SH3BGRL2: variants seen among roughly 807,000 people sequenced by gnomAD.
The protein encoded by SH3BGRL2 is SH3 domain-binding glutamic acid-rich-like protein 2.
In SH3BGRL2, 21 loss-of-function variants were observed where a neutral mutation model predicts 14.8. The observed-to-expected ratio is 1.42, with a 90% CI of 1.01 to 2.05. The LOEUF (loss-of-function observed/expected upper bound fraction) is 2.05. SH3BGRL2 is among the 30% of genes most tolerant of loss of function. SH3BGRL2 has a pLI of 0.00. For missense variants in SH3BGRL2, 147 were observed against 130.8 expected (o/e 1.12, Z -0.61); for synonymous variants, 50 against 47.8 (o/e 1.05, Z -0.19).
At chr6:79,639,692 A>T (rs1768994349) in intron 1 of SH3BGRL2, among the ~76,000 whole-genome samples, 1 of 152,168 alleles carries the variant, frequency 6.6e-6, no homozygotes, top group African/African-American at 2.4e-5. Context: ...CACCTGCTAA[A>T]TGTCAGTTTT....
At chr6:79,641,791 T>A (rs1206215525) in intron 1 of SH3BGRL2, among the ~76,000 whole-genome samples, 1 of 152,206 alleles carries the variant, frequency 6.6e-6, no homozygotes, top group East Asian at 1.9e-4. Flanking sequence ...ACTGTGTAAG[T>A]TCCTTAACAG....
the SH3BGRL2 span, among the ~76,000 whole-genome samples, chr6:79,589,207 T>TATATA: frequency 4.0e-3 from 423 of 104,906 alleles, 8 homozygotes; most frequent in Admixed American, 0.025. Context: ...TATATATATA[T>TATATA]TTTTTTTTTT....
the SH3BGRL2 span, among the ~76,000 whole-genome samples, chr6:79,546,351 G>A: frequency 6.6e-6 from 1 of 152,106 alleles, no homozygotes; most frequent in South Asian, 2.1e-4. Context: ...CCTCAGAATC[G>A]TGGCTACTGC....
chr6:79,558,345 T>G, the SH3BGRL2 span, among the ~76,000 whole-genome samples: 1 of 152,164 alleles, frequency 6.6e-6, no homozygotes, highest in Non-Finnish European at 1.5e-5. Context: ...TAGGATGTTG[T>G]ATACATTGGA....
the SH3BGRL2 span, among the ~76,000 whole-genome samples, chr6:79,547,600 A>T: frequency 1.3e-5 from 2 of 152,114 alleles, no homozygotes; most frequent in African/African-American, 4.8e-5. Context: ...GCTCCCCAAC[A>T]TTAGTCCGTT....
At chr6:79,614,056 G>C in the SH3BGRL2 span, among the ~76,000 whole-genome samples, 2 of 152,132 alleles carry the variant, frequency 1.3e-5, no homozygotes, top group Admixed American at 1.3e-4. Flanking sequence ...GCCAGTCCCT[G>C]TAGTGAGAGA....
At chr6:79,699,068 G>C (rs1452161405) in intron 3 of SH3BGRL2, among the ~76,000 whole-genome samples, 2 of 151,918 alleles carry the variant, frequency 1.3e-5, no homozygotes, top group Non-Finnish European at 1.5e-5. Context: ...TCAAGGGGGA[G>C]GGTGCGCAGG....
intron 1 of SH3BGRL2, among the ~76,000 whole-genome samples, chr6:79,640,776 T>A (rs1489892107): frequency 6.6e-6 from 1 of 152,110 alleles, no homozygotes; most frequent in African/African-American, 2.4e-5. Context: ...CAGGGGGTTC[T>A]AACTAATTTA....
the SH3BGRL2 span, among the ~76,000 whole-genome samples, chr6:79,614,043 C>T: frequency 6.6e-6 from 1 of 152,118 alleles, no homozygotes; most frequent in Non-Finnish European, 1.5e-5. Context: ...TCCCAGAGCA[C>T]CTGCCAGTCC....
intron 2 of SH3BGRL2, among the ~76,000 whole-genome samples, chr6:79,676,252 A>G (rs979064010): frequency 1.3e-5 from 2 of 152,058 alleles, no homozygotes; most frequent in African/African-American, 4.8e-5. Flanking sequence ...GCCCATGTGT[A>G]TACATTTTTT....
the SH3BGRL2 span, chr6:79,561,229 A>G: frequency 6.6e-6 from 1 of 151,786 alleles, no homozygotes; most frequent in South Asian, 2.1e-4. Flanking sequence ...AATACATTTA[A>G]TACTCTTAAT....
chr6:79,690,267 C>G (rs1770185858), intron 2 of SH3BGRL2, among the ~76,000 whole-genome samples: 2 of 152,276 alleles, frequency 1.3e-5, no homozygotes, highest in South Asian at 4.1e-4. Context: ...TCTGGGATTA[C>G]AGATGTGAAC....
the SH3BGRL2 span, among the ~76,000 whole-genome samples, chr6:79,602,850 T>C: frequency 3.9e-5 from 6 of 152,326 alleles, no homozygotes; most frequent in East Asian, 1.2e-3. Flanking sequence ...ATTTAAAGTT[T>C]GAATAATTTA....
At chr6:79,684,923 A>T (rs2127736670) in intron 2 of SH3BGRL2, among the ~76,000 whole-genome samples, 1 of 152,276 alleles carries the variant, frequency 6.6e-6, no homozygotes, top group Admixed American at 6.5e-5. Context: ...CTTTCCAGAT[A>T]CCAGGAGGGG....
At chr6:79,655,800 G>T (rs1769398498) in intron 1 of SH3BGRL2, among the ~76,000 whole-genome samples, 2 of 152,166 alleles carry the variant, frequency 1.3e-5, no homozygotes, top group African/African-American at 4.8e-5. Context: ...ATTGTTTAAA[G>T]ATATGAAATG....
chr6:79,669,833 C>T (rs1037415287), intron 1 of SH3BGRL2, among the ~76,000 whole-genome samples: 2 of 152,136 alleles, frequency 1.3e-5, no homozygotes, highest in African/African-American at 2.4e-5. Flanking sequence ...GTGAAAAATA[C>T]AGCAGTGGAG....
chr6:79,543,210 A>C, the SH3BGRL2 span, among the ~76,000 whole-genome samples: 1 of 152,146 alleles, frequency 6.6e-6, no homozygotes, highest in Non-Finnish European at 1.5e-5. Flanking sequence ...TTAATATCCA[A>C]ATTATTTCAA....
At chr6:79,663,127 G>A (rs867233427) in intron 1 of SH3BGRL2, among the ~76,000 whole-genome samples, 5 of 152,064 alleles carry the variant, frequency 3.3e-5, no homozygotes, top group South Asian at 2.1e-4. Flanking sequence ...TGTTATTACC[G>A]ACATTCTGAA....
chr6:79,675,042 C>G (rs1188536353), intron 2 of SH3BGRL2, among the ~76,000 whole-genome samples: 3 of 151,812 alleles, frequency 2.0e-5, no homozygotes, highest in Non-Finnish European at 2.9e-5. Flanking sequence ...TTCATGATTA[C>G]CAAGGATATA....
Sources: allele counts gnomAD v4.1 joint callset (sites outside exome capture counted in the v4.1 genomes callset), GRCh38; gene constraint gnomAD v4.1.1; transcripts MANE v1.5; gene names NCBI Gene and HGNC (gene_info 2026-07-23, HGNC 2026-07-21).